Variants in FSTL4 observed in about 807,000 individuals in gnomAD.
The protein encoded by FSTL4 is follistatin like 4.
Under a neutral mutation model 78.2 loss-of-function variants are expected in FSTL4, and 28 were observed. That is an observed-to-expected ratio of 0.36 (90% CI 0.27 to 0.49). The LOEUF is 0.49. FSTL4 is among the 20% of genes least tolerant of loss of function. FSTL4 has a pLI of 0.98. For synonymous variants in FSTL4, 422 were observed against 440.5 expected, an observed-to-expected ratio of 0.96 and a Z score of 0.53; for missense variants, 922 against 1,084.9, an observed-to-expected ratio of 0.85 and a Z score of 2.11.
At chr5:133,603,798 T>C in intron 2 of FSTL4, 60 bp downstream of exon 2, 2 of 1,552,968 alleles carry the variant, frequency 1.3e-6, no homozygotes, top group Non-Finnish European at 1.8e-6. Flanking sequence ...GGAAATCAGA[T>C]ACTGTAACAT....
In FSTL4 at chr5:133,599,280, C is replaced by A. The variant is rs574965966; in HGVS notation, c.126+4578G>T. Reference sequence around the variant, plus strand: ...TGCAATTTGAGGTTGCCATGCCTCGCGGGGACAGGAGTGTCATGCCTGCCA... The same window carrying A: ...TGCAATTTGAGGTTGCCATGCCTCGAGGGGACAGGAGTGTCATGCCTGCCA... On this transcript the variant is annotated intron_variant, in intron 2 of 15. Coordinates refer to ENST00000265342, the MANE Select transcript of FSTL4 (RefSeq NM_015082.2). Among the ~76,000 whole-genome samples, 4 of 152,242 alleles carry A rather than the reference C, an allele frequency of 2.6e-5. No homozygotes were observed. In the East Asian group the frequency reaches 7.7e-4, roughly 29 times the overall value.
At chr5:133,811,920 G>A in the FSTL4 span, among the ~76,000 whole-genome samples, 1 of 152,150 alleles carries the variant, frequency 6.6e-6, no homozygotes, top group African/African-American at 2.4e-5. Flanking sequence ...AATGTCTAAT[G>A]TAAGCTTTAG....
chr5:133,781,066 T>A, the FSTL4 span, among the ~76,000 whole-genome samples: 1 of 152,196 alleles, frequency 6.6e-6, no homozygotes, highest in East Asian at 1.9e-4. Context: ...AGATGCCTCA[T>A]CCCTCCTTCC....
the FSTL4 span, among the ~76,000 whole-genome samples, chr5:133,692,370 TG>T: frequency 3.0e-4 from 45 of 152,236 alleles, no homozygotes; most frequent in African/African-American, 1.1e-3. Flanking sequence ...GGGGAACCAC[TG>T]GGGGTTTGAG....
At chr5:133,776,174 T>A in the FSTL4 span, among the ~76,000 whole-genome samples, 1 of 152,168 alleles carries the variant, frequency 6.6e-6, no homozygotes, top group East Asian at 1.9e-4. Context: ...GGTGGCAGCC[T>A]ACAGAGACTA....
At chr5:133,747,667 A>G in the FSTL4 span, among the ~76,000 whole-genome samples, 1 of 152,240 alleles carries the variant, frequency 6.6e-6, no homozygotes, top group African/African-American at 2.4e-5. Flanking sequence ...ATCAGCGATT[A>G]GAGAATGAAT....
the FSTL4 span, among the ~76,000 whole-genome samples, chr5:133,794,646 C>A: frequency 6.6e-5 from 10 of 152,202 alleles, no homozygotes; most frequent in African/African-American, 2.4e-4. Flanking sequence ...TAAAACCTGA[C>A]AAGCTGCAGA....
intron 2 of FSTL4, among the ~76,000 whole-genome samples, chr5:133,572,260 C>T (rs1213881230): frequency 1.3e-5 from 2 of 152,114 alleles, no homozygotes; most frequent in African/African-American, 4.8e-5. Context: ...GGAATGCCAT[C>T]TTTAGTTTTT....
At chr5:133,497,963 A>T (rs766084683) in intron 3 of FSTL4, among the ~76,000 whole-genome samples, 33 of 152,258 alleles carry the variant, frequency 2.2e-4, no homozygotes, top group Non-Finnish European at 3.8e-4. Flanking sequence ...AGCTCTGTGC[A>T]CTGGGCTTGT....
chr5:133,343,344 G>C (rs1170249254), intron 4 of FSTL4, among the ~76,000 whole-genome samples: 1 of 152,214 alleles, frequency 6.6e-6, no homozygotes, highest in Non-Finnish European at 1.5e-5. Context: ...TGGACACTCA[G>C]CACGGGTGTG....
intron 4 of FSTL4, among the ~76,000 whole-genome samples, chr5:133,340,293 TG>T (rs899898149): frequency 6.6e-6 from 1 of 152,048 alleles, no homozygotes; most frequent in African/African-American, 2.4e-5. Flanking sequence ...TGAATTTTAG[TG>T]GTCAGATTTT....
rs145019891 is a variant in FSTL4 at position 133,395,331 on chromosome 5, C to T, written c.409+5407G>A. Among the ~76,000 whole-genome samples, 1,448 of 152,200 alleles carry T rather than the reference C, an allele frequency of 9.5e-3. 6 individuals carry two copies. The highest frequency in any genetic ancestry group is 0.016 in the South Asian group (77 of 4,812). ...AGCGGGAGGAATGAACAACTCCAGACGCGCCGCCTTAAGAGCTGTAACACT... is the reference window on the plus strand; with the variant it reads ...AGCGGGAGGAATGAACAACTCCAGATGCGCCGCCTTAAGAGCTGTAACACT... On this transcript the variant is annotated intron_variant, in intron 4 of 15. Transcript: ENST00000265342.
At chr5:133,833,697 A>G in the FSTL4 span, among the ~76,000 whole-genome samples, 1 of 152,244 alleles carries the variant, frequency 6.6e-6, no homozygotes, top group Non-Finnish European at 1.5e-5. Flanking sequence ...TTTAATAATG[A>G]GACAGGAAGA....
chr5:133,783,905 G>A, the FSTL4 span, among the ~76,000 whole-genome samples: 3 of 145,586 alleles, frequency 2.1e-5, no homozygotes, highest in Middle Eastern at 3.5e-3. Flanking sequence ...CAGAGTCTGC[G>A]AGAACAGTTA....
chr5:133,533,726 T>G (rs972060431), intron 3 of FSTL4, among the ~76,000 whole-genome samples: 1 of 152,100 alleles, frequency 6.6e-6, no homozygotes, highest in Non-Finnish European at 1.5e-5. Flanking sequence ...CATCCCACAT[T>G]GGAAATGAGT....
In FSTL4 at chr5:133,516,838, T is replaced by A. The variant is rs945893684; in HGVS notation, c.160+50348A>T. Among the ~76,000 whole-genome samples, 14 of 152,120 alleles carry A rather than the reference T, an allele frequency of 9.2e-5. 1 individual carries two copies. Among genetic ancestry groups the A allele is most frequent in the Admixed American group, 9.2e-4 (14 of 15,282 alleles). On this transcript the variant is annotated intron_variant, in intron 3 of 15. Transcript: ENST00000265342. ...GAAGATACATGTAAATAGGGTGTCA[T>A]TTCAAGGAAAAAAAGAAAGGATATG...
the FSTL4 span, among the ~76,000 whole-genome samples, chr5:133,752,397 T>C: frequency 0.031 from 4,750 of 152,056 alleles, 248 homozygotes; most frequent in African/African-American, 0.11. Context: ...AATCCCCCTC[T>C]CATAAGGTCA....
the FSTL4 span, among the ~76,000 whole-genome samples, chr5:133,665,138 G>T: frequency 7.2e-5 from 11 of 152,152 alleles, no homozygotes; most frequent in Non-Finnish European, 1.2e-4. Context: ...CCACACCAAC[G>T]ACTAAGACCC....
chr5:133,399,945 T>C (rs1275818908), intron 4 of FSTL4, among the ~76,000 whole-genome samples: 3 of 152,244 alleles, frequency 2.0e-5, no homozygotes, highest in African/African-American at 7.2e-5. Context: ...TGGCATGTAC[T>C]ATTTACCAGG....
Sources: allele counts gnomAD v4.1 joint callset (sites outside exome capture counted in the v4.1 genomes callset), GRCh38; gene constraint gnomAD v4.1.1; transcripts MANE v1.5; gene names NCBI Gene and HGNC (gene_info 2026-07-23, HGNC 2026-07-21).